Variants in CDC42BPB observed in about 807,000 individuals in gnomAD.
The protein encoded by CDC42BPB is CDC42 binding protein kinase beta, also known as serine/threonine-protein kinase MRCK beta.
Under a neutral mutation model 214.9 loss-of-function variants are expected in CDC42BPB, and 37 were observed. The observed-to-expected ratio is 0.17, with a 90% CI of 0.13 to 0.23. The LOEUF is 0.23. Ranked by LOEUF, CDC42BPB falls within the 10% of genes least tolerant of loss-of-function variation. The pLI, the probability that CDC42BPB is intolerant of heterozygous loss-of-function variation, is 1.00. For missense variants in CDC42BPB, 1,694 were observed against 2,227.0 expected, an observed-to-expected ratio of 0.76 and a Z score of 4.82; for synonymous variants, 931 against 884.0, an observed-to-expected ratio of 1.05 and a Z score of -0.94.
In CDC42BPB at chr14:103,011,086, G is replaced by A. The variant is rs1293989564; in HGVS notation, c.267+1011C>T. ...CCGGTGACTCACTGTCAAACCACCC[G>A]AGGCGGTACCGCGGCCGCTGAGGGA... On this transcript the variant is annotated intron_variant, in intron 2 of 36. Coordinates refer to ENST00000361246, the MANE Select transcript of CDC42BPB (RefSeq NM_006035.4). Among the ~76,000 whole-genome samples, 4 of 152,222 alleles carry A rather than the reference G, an allele frequency of 2.6e-5. No homozygotes were observed. The East Asian group carries it at 5.8e-4, about 22-fold the overall frequency.
chr14:103,022,566 A>G (rs1440854871), intron 1 of CDC42BPB, among the ~76,000 whole-genome samples: 3 of 152,184 alleles, frequency 2.0e-5, no homozygotes, highest in Admixed American at 6.5e-5. Flanking sequence ...TTAAAAAACA[A>G]AACAAACAAA....
intron 2 of CDC42BPB, among the ~76,000 whole-genome samples, chr14:103,011,205 G>A (rs530797078): frequency 1.3e-5 from 2 of 152,208 alleles, no homozygotes; most frequent in South Asian, 2.1e-4. Flanking sequence ...ACCGTGCCAC[G>A]GGCCTCCTGG....
chr14:102,942,462 C>T (rs1209516273), intron 30 of CDC42BPB, among the ~76,000 whole-genome samples: 1 of 152,212 alleles, frequency 6.6e-6, no homozygotes, highest in Non-Finnish European at 1.5e-5. Flanking sequence ...ATGCGCGGCT[C>T]GTCTTCCTCC....
At chr14:103,046,533 G>T (rs1888295071) in intron 1 of CDC42BPB, among the ~76,000 whole-genome samples, 1 of 152,140 alleles carries the variant, frequency 6.6e-6, no homozygotes, top group South Asian at 2.1e-4. Context: ...GAGGCAAAGG[G>T]AAAGAAACAT....
At chr14:102,994,953 C>A (rs192206043) in intron 5 of CDC42BPB, among the ~76,000 whole-genome samples, 2 of 152,178 alleles carry the variant, frequency 1.3e-5, no homozygotes, top group Admixed American at 1.3e-4. Flanking sequence ...CCACTCTGAC[C>A]GCCAGATCTT....
chr14:102,947,080 T>A (rs1275438275), intron 27 of CDC42BPB, among the ~76,000 whole-genome samples: 3 of 152,268 alleles, frequency 2.0e-5, no homozygotes, highest in African/African-American at 7.2e-5. Flanking sequence ...TGAGCACGCA[T>A]GCTACCAAAT....
At chr14:102,973,711 C>T (rs1893592786) in intron 12 of CDC42BPB, among the ~76,000 whole-genome samples, 1 of 152,240 alleles carries the variant, frequency 6.6e-6, no homozygotes, top group Admixed American at 6.5e-5. Flanking sequence ...CAGTGGGGTG[C>T]TGCTTTCTCT....
At chr14:102,953,824 T>C (rs1057069925) in intron 23 of CDC42BPB, among the ~76,000 whole-genome samples, 1 of 152,102 alleles carries the variant, frequency 6.6e-6, no homozygotes, top group African/African-American at 2.4e-5. Flanking sequence ...ACCAGCCACA[T>C]GGTTCTGTAA....
chr14:102,972,169 A>G lies in CDC42BPB; in HGVS notation c.1642-8T>C. 1.9e-6 allele frequency: 3 copies of G among 1,613,026 alleles called. No homozygotes were observed. The highest frequency in any genetic ancestry group is 2.5e-6 in the Non-Finnish European group (3 of 1,179,222). The stretch of plus-strand genomic sequence containing the variant: ...TGAGGCTTCAACCAGTTGCTGAACA[A>G]AAACAATTATAGATGTTTTACGTTT... On this transcript the variant is annotated splice_polypyrimidine_tract_variant and splice_region_variant and intron_variant, in intron 12 of 36. Transcript: ENST00000361246.
chr14:103,032,456 C>T (rs924125172), intron 1 of CDC42BPB, among the ~76,000 whole-genome samples: 2 of 150,274 alleles, frequency 1.3e-5, no homozygotes, highest in Non-Finnish European at 2.9e-5. Context: ...CCAAATTTGT[C>T]CAGCTAGGAA....
At chr14:103,035,139 C>A (rs1474136460) in intron 1 of CDC42BPB, among the ~76,000 whole-genome samples, 1 of 151,802 alleles carries the variant, frequency 6.6e-6, no homozygotes. Flanking sequence ...CTCACCACAA[C>A]TTCCGCCACC....
intron 25 of CDC42BPB, 71 bp downstream of exon 25, chr14:102,950,394 TG>T: frequency 6.4e-7 from 1 of 1,571,464 alleles, no homozygotes; most frequent in Non-Finnish European, 8.7e-7. Context: ...CTTTCAAGAG[TG>T]GCTGGGCATG....
intron 1 of CDC42BPB, among the ~76,000 whole-genome samples, chr14:103,038,079 G>A (rs947006413): frequency 1.3e-5 from 2 of 150,996 alleles, no homozygotes; most frequent in Non-Finnish European, 2.9e-5. Context: ...GCTCATGCCT[G>A]TAATCCCAGC....
chr14:102,935,764 C>CAA (rs55833197), intron 36 of CDC42BPB, among the ~76,000 whole-genome samples: 2,917 of 74,410 alleles, frequency 0.039, 148 homozygotes, highest in African/African-American at 0.11. Context: ...CACTCTGTCT[C>CAA]AAAAAAAAAA....
intron 5 of CDC42BPB, among the ~76,000 whole-genome samples, chr14:102,990,092 A>G (rs890228549): frequency 2.6e-5 from 4 of 152,210 alleles, no homozygotes; most frequent in Non-Finnish European, 5.9e-5. Context: ...AACTTCATGC[A>G]GTTTTGGAAG....
chr14:103,031,361 A>G (rs1480632123), intron 1 of CDC42BPB, among the ~76,000 whole-genome samples: 1 of 152,174 alleles, frequency 6.6e-6, no homozygotes, highest in Non-Finnish European at 1.5e-5. Context: ...ATGCCTAGAG[A>G]TGAGACACTA....
rs539717616 is a variant in CDC42BPB, at chr14:102,952,077, G to A, written c.3172+421C>T. Among the ~76,000 whole-genome samples, 13 of 152,340 alleles carry A rather than the reference G, an allele frequency of 8.5e-5. No individual in the cohort carries two copies. The East Asian group carries it at 1.2e-3, about 14-fold the overall frequency. ...AAATAAACCTGCCAGGCTGGGTGCAGTGGCTCATGCCTGTAATTCCAGCAC... is the reference window on the plus strand; with the variant it reads ...AAATAAACCTGCCAGGCTGGGTGCAATGGCTCATGCCTGTAATTCCAGCAC... On this transcript the variant is annotated intron_variant, in intron 24 of 36. Coordinates refer to ENST00000361246, the MANE Select transcript of CDC42BPB (RefSeq NM_006035.4).
intron 36 of CDC42BPB, among the ~76,000 whole-genome samples, chr14:102,936,695 A>G (rs1196366100): frequency 6.6e-6 from 1 of 152,204 alleles, no homozygotes; most frequent in Non-Finnish European, 1.5e-5. Context: ...ATCTCACTAC[A>G]CTGCCCAGGC....
rs1219063819 is a variant in CDC42BPB at position 102,975,983 on chromosome 14, A to G, written c.1287T>C (p.Asp429=). 1 of 1,614,228 alleles carries G rather than the reference A, an allele frequency of 6.2e-7. No homozygotes were observed. Among genetic ancestry groups the G allele is most frequent in the Non-Finnish European group, 8.5e-7 (1 of 1,180,040 alleles). ...GGCTGTGCTCCAGGTCCCGCTGCAC[A>G]TCCTCATCTTTGGTTAATGTGTTGG... ...MQSNTLTKDE[D]VQRDLEHSLQ... The change falls in exon 10 of 37, where the codon GAT becomes GAC. Residue 429 remains aspartate, a synonymous_variant. Transcript: ENST00000361246.
Sources: gnomAD v4.1 joint callset for allele counts (sites outside exome capture counted in the v4.1 genomes callset) on GRCh38, gnomAD v4.1.1 for gene constraint, MANE v1.5 for transcripts, NCBI Gene and HGNC (gene_info 2026-07-23, HGNC 2026-07-21) for gene names.